Variants in GPC4 observed in about 807,000 individuals in gnomAD.
GPC4 encodes the protein glypican-4.
In GPC4, 10 loss-of-function variants were observed where a neutral mutation model predicts 35.0. The ratio of observed to expected loss-of-function variants is 0.29; its 90% CI spans 0.18 to 0.48. The LOEUF is 0.48. GPC4 is among the 20% of genes least tolerant of loss of function. The probability of loss-of-function intolerance (pLI) is 0.99; values close to 1 mark genes in which losing one functional copy is unlikely to be tolerated. For synonymous variants in GPC4, 167 were observed against 170.2 expected, an observed-to-expected ratio of 0.98 and a Z score of 0.15; for missense variants, 322 against 451.3, an observed-to-expected ratio of 0.71 and a Z score of 2.60.
At chrX:133,332,504 A>G (rs1184112434) in intron 2 of GPC4, among the ~76,000 whole-genome samples, 1 of 111,237 alleles carries the variant, frequency 9.0e-6, no homozygotes. Context: ...GGTTCAAGTG[A>G]GTCTCCTGCC....
At chrX:133,371,737 T>A (rs1447373696) in intron 1 of GPC4, among the ~76,000 whole-genome samples, 4 of 111,976 alleles carry the variant, frequency 3.6e-5, no homozygotes, top group African/African-American at 1.3e-4. Context: ...TAGGCCATTA[T>A]ACCACTTAAA....
At chrX:133,384,552 G>C (rs1051394106) in intron 1 of GPC4, among the ~76,000 whole-genome samples, 1 of 111,164 alleles carries the variant, frequency 9.0e-6, no homozygotes, top group Non-Finnish European at 1.9e-5. Flanking sequence ...GCATTGTCCT[G>C]GTACATGTGG....
chrX:133,356,980 C>G (rs1031835253), intron 1 of GPC4, among the ~76,000 whole-genome samples: 1 of 111,468 alleles, frequency 9.0e-6, no homozygotes, highest in African/African-American at 3.3e-5. Context: ...TTTGACTGGA[C>G]TCTCTGTTCT....
chrX:133,304,925 T>G (rs1359422408), intron 6 of GPC4, 64 bp from the exon 7 acceptor site: 3 of 1,093,967 alleles, frequency 2.7e-6, no homozygotes. Context: ...TACCTACAAG[T>G]GTGCCTTCTG....
chrX:133,374,028 A>T (rs2068623669), intron 1 of GPC4, among the ~76,000 whole-genome samples: 2 of 111,234 alleles, frequency 1.8e-5, no homozygotes, highest in Non-Finnish European at 3.8e-5. Flanking sequence ...TTCTAAATAG[A>T]CTGAGGTAAT....
In GPC4 at chrX:133,303,072, A is replaced by G. The variant is rs1292052993; in HGVS notation, c.1469-3T>C. Reference sequence around the variant, plus strand: ...TCCTTCTCCACTACTTTCATCACCTAGTTTAAAAAAAAATGGAATAGAAAT... The same window carrying G: ...TCCTTCTCCACTACTTTCATCACCTGGTTTAAAAAAAAATGGAATAGAAAT... On this transcript the variant is annotated splice_region_variant and splice_polypyrimidine_tract_variant and intron_variant, in intron 8 of 8. Transcript: ENST00000370828. 4.1e-6 allele frequency: 5 copies of G among 1,210,052 alleles called. No individual in the cohort carries two copies. The highest frequency in any genetic ancestry group is 2.2e-5 in the Admixed American group (1 of 45,937).
intron 2 of GPC4, among the ~76,000 whole-genome samples, chrX:133,336,602 C>A (rs1446887897): frequency 9.0e-6 from 1 of 110,544 alleles, no homozygotes; most frequent in Non-Finnish European, 1.9e-5. Context: ...TTGGTGGGTA[C>A]CAGTCAACTA....
chrX:133,307,472 A>T (rs1418759560), intron 4 of GPC4, among the ~76,000 whole-genome samples: 1 of 89,142 alleles, frequency 1.1e-5, no homozygotes, highest in African/African-American at 5.1e-5. Context: ...AATTTTTAAA[A>T]CAGTAATAAC....
intron 1 of GPC4, among the ~76,000 whole-genome samples, chrX:133,348,222 A>G (rs1247688360): frequency 3.6e-5 from 4 of 112,155 alleles, no homozygotes; most frequent in Admixed American, 9.4e-5. Flanking sequence ...ACAATCTTAG[A>G]TCCCCATTTT....
intron 1 of GPC4, among the ~76,000 whole-genome samples, chrX:133,362,272 G>A (rs2068572580): frequency 9.1e-6 from 1 of 109,560 alleles, no homozygotes; most frequent in South Asian, 4.0e-4. Flanking sequence ...AATACAGACA[G>A]AGAAGGGAAC....
chrX:133,395,269 T>C (rs2068737758), intron 1 of GPC4, among the ~76,000 whole-genome samples: 1 of 111,837 alleles, frequency 8.9e-6, no homozygotes, highest in African/African-American at 3.2e-5. Context: ...ATCACCATGA[T>C]TGTACGAATC....
At position 133,324,130 on chromosome X, in the gene GPC4, A is replaced by G. The variant is rs368880942; in HGVS notation, c.711+15T>C. The G allele has an allele frequency of 2.2e-5, 26 of 1,166,189 alleles. No individual in the cohort carries two copies. Among genetic ancestry groups the G allele is most frequent in the Non-Finnish European group, 3.0e-5 (26 of 875,266 alleles). On this transcript the variant is annotated intron_variant, in intron 3 of 8. Transcript: ENST00000370828. ...ACAAAACAAAAACAAAACAGAGAAG[A>G]CAAGGAGTACTTACCACGGAGACCT...
At chrX:133,388,229 TC>T (rs1348876805) in intron 1 of GPC4, among the ~76,000 whole-genome samples, 1 of 112,181 alleles carries the variant, frequency 8.9e-6, no homozygotes, top group East Asian at 2.8e-4. Flanking sequence ...CAGTGACCGG[TC>T]TTAACCTTCT....
At chrX:133,388,873 C>T (rs1370550110) in intron 1 of GPC4, among the ~76,000 whole-genome samples, 1 of 107,818 alleles carries the variant, frequency 9.3e-6, no homozygotes, top group Non-Finnish European at 1.9e-5. Flanking sequence ...TTCAAAGGCA[C>T]AATACTAGCA....
Position 133,338,896 on chromosome X carries a change from G to A in GPC4, c.319+287C>T, listed in dbSNP as rs780043855. ...TCTTTTTTTTTTTAAAGGGACTTGCGTCAACAACACTATTCTGTGTTCACC... is the reference window on the plus strand; with the variant it reads ...TCTTTTTTTTTTTAAAGGGACTTGCATCAACAACACTATTCTGTGTTCACC... On this transcript the variant is annotated intron_variant, in intron 2 of 8. Transcript: ENST00000370828. Among the ~76,000 whole-genome samples, 63 of 110,176 alleles carry A rather than the reference G, an allele frequency of 5.7e-4. 1 individual carries two copies. Among genetic ancestry groups the A allele is most frequent in the Admixed American group, 5.0e-3 (51 of 10,264 alleles).
chrX:133,305,650 T>C (rs776170802), intron 6 of GPC4, 122 bp downstream of exon 6: 1 of 918,132 alleles, frequency 1.1e-6, no homozygotes, highest in Non-Finnish European at 1.5e-6. Context: ...CCACATCCTA[T>C]TTGCTTGAAA....
chrX:133,362,724 C>T (rs2068574541), intron 1 of GPC4, among the ~76,000 whole-genome samples: 1 of 112,053 alleles, frequency 8.9e-6, no homozygotes, highest in African/African-American at 3.2e-5. Flanking sequence ...CTGAAAACAG[C>T]CCTGTGTGAT....
chrX:133,407,063 C>T (rs1222462548), intron 1 of GPC4, among the ~76,000 whole-genome samples: 1 of 83,856 alleles, frequency 1.2e-5, no homozygotes, highest in African/African-American at 6.2e-5. Context: ...GTGACAAGAG[C>T]AAGACTCCAT....
At chrX:133,329,316 T>C (rs1451626098) in intron 2 of GPC4, among the ~76,000 whole-genome samples, 1 of 112,179 alleles carries the variant, frequency 8.9e-6, no homozygotes, top group East Asian at 2.8e-4. Flanking sequence ...GTGTTGTCAC[T>C]CTTAGAGTTT....
Sources: gnomAD v4.1 joint callset for allele counts (sites outside exome capture counted in the v4.1 genomes callset) on GRCh38, gnomAD v4.1.1 for gene constraint, MANE v1.5 for transcripts, NCBI Gene and HGNC (gene_info 2026-07-23, HGNC 2026-07-21) for gene names.